Variants in CNTNAP5 observed in about 807,000 individuals in gnomAD.
CNTNAP5 encodes contactin associated protein family member 5.
A neutral mutation model predicts 150.2 loss-of-function variants in CNTNAP5; 72 were observed. The ratio of observed to expected loss-of-function variants is 0.48; its 90% confidence interval spans 0.40 to 0.58. CNTNAP5 has a LOEUF of 0.58. Among genes scored for constraint, CNTNAP5 ranks in the 20% least tolerant of loss-of-function variants. The probability of loss-of-function intolerance (pLI) is 0.00; values close to 1 mark genes in which losing one functional copy is unlikely to be tolerated. For synonymous variants in CNTNAP5, 672 were observed against 619.8 expected (o/e 1.08, Z -1.25); for missense variants, 1,636 against 1,626.2 (o/e 1.01, Z -0.10).
intron 19 of CNTNAP5, among the ~76,000 whole-genome samples, chr2:124,830,347 G>A (rs1448551065): frequency 3.9e-5 from 6 of 151,962 alleles, no homozygotes; most frequent in Non-Finnish European, 8.8e-5. Context: ...ATCAAAAACT[G>A]AATAAAGACA....
chr2:124,366,685 T>C (rs1690380081), intron 3 of CNTNAP5, among the ~76,000 whole-genome samples: 1 of 152,198 alleles, frequency 6.6e-6, no homozygotes, highest in African/African-American at 2.4e-5. Context: ...TTTCCAACCA[T>C]TTCTTCCTCT....
chr2:124,905,091 C>A (rs1573702157), intron 22 of CNTNAP5, among the ~76,000 whole-genome samples: 13 of 136,566 alleles, frequency 9.5e-5, no homozygotes, highest in South Asian at 4.6e-4. Context: ...AAAAAATAGG[C>A]AAAGGATGTG....
At chr2:124,787,451 C>T (rs1172452714) in intron 17 of CNTNAP5, among the ~76,000 whole-genome samples, 3 of 152,086 alleles carry the variant, frequency 2.0e-5, no homozygotes, top group Non-Finnish European at 2.9e-5. Context: ...GTATCACTTA[C>T]GGGAACTGAA....
At chr2:124,856,627 G>T (rs1558802165) in intron 19 of CNTNAP5, among the ~76,000 whole-genome samples, 1 of 152,116 alleles carries the variant, frequency 6.6e-6, no homozygotes, top group Admixed American at 6.5e-5. Flanking sequence ...TAGACCCTGA[G>T]TTCCTGGTCC....
At chr2:124,357,338 T>C (rs1396971528) in intron 3 of CNTNAP5, among the ~76,000 whole-genome samples, 2 of 152,328 alleles carry the variant, frequency 1.3e-5, no homozygotes, top group African/African-American at 2.4e-5. Flanking sequence ...ATTTTGTCTT[T>C]TGTTGCCATT....
chr2:124,713,718 C>G (rs1022628558), intron 13 of CNTNAP5, among the ~76,000 whole-genome samples: 1 of 152,006 alleles, frequency 6.6e-6, no homozygotes, highest in Non-Finnish European at 1.5e-5. Context: ...TTTCTCACCT[C>G]CCTCTCAAAC....
chr2:124,604,627 A>G (rs766488546), intron 11 of CNTNAP5, among the ~76,000 whole-genome samples: 4 of 152,222 alleles, frequency 2.6e-5, no homozygotes, highest in African/African-American at 4.8e-5. Context: ...TCCCATTAAT[A>G]AATCAGGAAG....
At chr2:124,507,351 G>A (rs571322161) in intron 8 of CNTNAP5, among the ~76,000 whole-genome samples, 35 of 152,114 alleles carry the variant, frequency 2.3e-4, no homozygotes, top group African/African-American at 7.7e-4. Context: ...CCAGCTACTC[G>A]TCAGGCTCAG....
chr2:124,229,235 C>A (rs1289096024), intron 2 of CNTNAP5, among the ~76,000 whole-genome samples: 1 of 152,078 alleles, frequency 6.6e-6, no homozygotes, highest in Admixed American at 6.6e-5. Context: ...CCTAGGTAAA[C>A]CAAGTTTAAT....
chr2:124,116,392 T>C (rs1683429629), intron 1 of CNTNAP5, among the ~76,000 whole-genome samples: 1 of 152,216 alleles, frequency 6.6e-6, no homozygotes, highest in African/African-American at 2.4e-5. Flanking sequence ...AACTCTCTTC[T>C]GTGCAATTAT....
intron 3 of CNTNAP5, among the ~76,000 whole-genome samples, chr2:124,259,563 G>T (rs1356990132): frequency 6.6e-6 from 1 of 152,172 alleles, no homozygotes; most frequent in Non-Finnish European, 1.5e-5. Flanking sequence ...ACTGGTGTGA[G>T]ATGGTATCTC....
At chr2:124,240,373 C>T (rs765260193) in intron 2 of CNTNAP5, among the ~76,000 whole-genome samples, 11 of 152,124 alleles carry the variant, frequency 7.2e-5, no homozygotes, top group South Asian at 4.1e-4. Flanking sequence ...AGAAGGAGCA[C>T]GCTAGCCTGG....
chr2:124,448,095 C>T (rs1367011772), intron 6 of CNTNAP5, among the ~76,000 whole-genome samples: 3 of 151,702 alleles, frequency 2.0e-5, no homozygotes, highest in Non-Finnish European at 2.9e-5. Context: ...GGTGAAACCC[C>T]GTCACTACTA....
intron 1 of CNTNAP5, among the ~76,000 whole-genome samples, chr2:124,208,241 T>C (rs549500022): frequency 2.0e-5 from 3 of 152,354 alleles, no homozygotes; most frequent in Admixed American, 6.5e-5. Context: ...TATTGGGACC[T>C]ACTCTTTTCC....
At chr2:124,631,293 C>G (rs752024895) in intron 12 of CNTNAP5, among the ~76,000 whole-genome samples, 5 of 152,006 alleles carry the variant, frequency 3.3e-5, no homozygotes, top group Non-Finnish European at 7.4e-5. Flanking sequence ...AAGAACAAAG[C>G]TGGAGGTATC....
At chr2:124,045,591 G>A (rs1301075346) in intron 1 of CNTNAP5, among the ~76,000 whole-genome samples, 1 of 151,994 alleles carries the variant, frequency 6.6e-6, no homozygotes. Flanking sequence ...TTTTCTTTAA[G>A]CCAGAGTTAC....
chr2:124,419,984 CTTTCT>C (rs1692055057), intron 4 of CNTNAP5, among the ~76,000 whole-genome samples: 5 of 94,914 alleles, frequency 5.3e-5, no homozygotes, highest in East Asian at 2.6e-4. Flanking sequence ...TTCTTTCTTT[CTTTCT>C]TTTTTTTTTT....
At chr2:124,633,501 C>T (rs1001115159) in intron 12 of CNTNAP5, among the ~76,000 whole-genome samples, 1 of 152,216 alleles carries the variant, frequency 6.6e-6, no homozygotes, top group African/African-American at 2.4e-5. Flanking sequence ...CTTTGGGAAG[C>T]TCTGCCCCTC....
chr2:124,101,285 A>C (rs1256479587), intron 1 of CNTNAP5, among the ~76,000 whole-genome samples: 1 of 152,230 alleles, frequency 6.6e-6, no homozygotes, highest in Non-Finnish European at 1.5e-5. Flanking sequence ...AAGCTAAGAT[A>C]AATTAAATAA....
Sources: gnomAD v4.1 joint callset for allele counts (sites outside exome capture counted in the v4.1 genomes callset) on GRCh38, gnomAD v4.1.1 for gene constraint, MANE v1.5 for transcripts, NCBI Gene and HGNC (gene_info 2026-07-23, HGNC 2026-07-21) for gene names.